Variants in QTMAN observed in about 807,000 individuals in gnomAD.
QTMAN encodes queuosine-tRNA mannosyltransferase.
At chr2:144,225,512 AT>A in the QTMAN span, among the ~76,000 whole-genome samples, 1 of 152,154 alleles carries the variant, frequency 6.6e-6, no homozygotes, top group African/African-American at 2.4e-5. Flanking sequence ...TCCAAGCTCC[AT>A]TCTAGCCTCA....
the QTMAN span, among the ~76,000 whole-genome samples, chr2:143,961,651 G>C: frequency 6.6e-6 from 1 of 152,098 alleles, no homozygotes; most frequent in Non-Finnish European, 1.5e-5. Flanking sequence ...TGTTTTGGGA[G>C]CTGTATTCCA....
chr2:144,227,905 C>G, the QTMAN span, among the ~76,000 whole-genome samples: 1 of 152,140 alleles, frequency 6.6e-6, no homozygotes, highest in Non-Finnish European at 1.5e-5. Flanking sequence ...CATTTGTTAC[C>G]TCATTCTAGA....
chr2:144,206,556 A>G, the QTMAN span, among the ~76,000 whole-genome samples: 2 of 152,204 alleles, frequency 1.3e-5, no homozygotes, highest in African/African-American at 4.8e-5. Context: ...TTAAAGACTG[A>G]TTAGATTAGT....
the QTMAN span, among the ~76,000 whole-genome samples, chr2:144,000,264 T>C: frequency 6.6e-6 from 1 of 152,062 alleles, no homozygotes; most frequent in Non-Finnish European, 1.5e-5. Context: ...GCCAGATATT[T>C]GATTATAATT....
At chr2:144,325,884 T>C in the QTMAN span, among the ~76,000 whole-genome samples, 1 of 152,350 alleles carries the variant, frequency 6.6e-6, no homozygotes, top group South Asian at 2.1e-4. Flanking sequence ...CATTACTTGT[T>C]ACAGACATGG....
chr2:144,297,721 C>A, the QTMAN span, among the ~76,000 whole-genome samples: 3 of 151,430 alleles, frequency 2.0e-5, no homozygotes, highest in African/African-American at 7.3e-5. Context: ...GCTGGGACTA[C>A]AGGTGCGTGC....
chr2:144,242,129 C>G, the QTMAN span, among the ~76,000 whole-genome samples: 1 of 151,990 alleles, frequency 6.6e-6, no homozygotes, highest in Admixed American at 6.5e-5. Context: ...GAAAATAAAG[C>G]TAAAGTAGTT....
chr2:143,980,849 A>C, the QTMAN span, among the ~76,000 whole-genome samples: 1 of 152,206 alleles, frequency 6.6e-6, no homozygotes, highest in East Asian at 1.9e-4. Context: ...ATATCTCTTA[A>C]CTCTACACTA....
At chr2:144,099,564 A>G in the QTMAN span, among the ~76,000 whole-genome samples, 11 of 152,198 alleles carry the variant, frequency 7.2e-5, no homozygotes, top group African/African-American at 2.7e-4. Context: ...ACACCTGAAT[A>G]AACTTGGCAG....
At chr2:144,068,573 G>C in the QTMAN span, among the ~76,000 whole-genome samples, 2 of 152,118 alleles carry the variant, frequency 1.3e-5, no homozygotes, top group Non-Finnish European at 2.9e-5. Context: ...ATGCAAATGT[G>C]GTAAATCAAG....
At chr2:144,020,345 T>A in the QTMAN span, among the ~76,000 whole-genome samples, 6 of 152,100 alleles carry the variant, frequency 3.9e-5, no homozygotes, top group African/African-American at 7.2e-5. Context: ...CACAGGCGGC[T>A]GAATATTGAA....
chr2:144,208,916 G>T, the QTMAN span: 2 of 588,666 alleles, frequency 3.4e-6, no homozygotes, highest in Non-Finnish European at 5.6e-6. Context: ...TTAGCAATGT[G>T]TTATTTTTCA....
the QTMAN span, among the ~76,000 whole-genome samples, chr2:144,322,642 A>G: frequency 6.6e-6 from 1 of 152,200 alleles, no homozygotes; most frequent in Non-Finnish European, 1.5e-5. Context: ...AAACGGAAGC[A>G]CATGTATTAA....
the QTMAN span, among the ~76,000 whole-genome samples, chr2:144,144,201 T>C: frequency 6.6e-6 from 1 of 151,922 alleles, no homozygotes; most frequent in Non-Finnish European, 1.5e-5. Flanking sequence ...CTGAATTGTT[T>C]TTAGATAGCT....
chr2:143,947,041 A>T, the QTMAN span: 1 of 1,589,234 alleles, frequency 6.3e-7, no homozygotes, highest in East Asian at 2.2e-5. Flanking sequence ...TTTGTGACTT[A>T]GCCCCATCTG....
chr2:144,291,000 G>A, the QTMAN span, among the ~76,000 whole-genome samples: 1 of 152,134 alleles, frequency 6.6e-6, no homozygotes, highest in Non-Finnish European at 1.5e-5. Context: ...TCCTTAGAAG[G>A]GCTGTGAGGG....
the QTMAN span, among the ~76,000 whole-genome samples, chr2:144,063,042 T>C: frequency 6.6e-6 from 1 of 152,192 alleles, no homozygotes; most frequent in African/African-American, 2.4e-5. Flanking sequence ...TAGAGTCATT[T>C]TGAGATATTT....
chr2:144,057,766 T>C, the QTMAN span, among the ~76,000 whole-genome samples: 2 of 152,200 alleles, frequency 1.3e-5, no homozygotes, highest in East Asian at 3.9e-4. Context: ...CAAGAAATAA[T>C]GTGAAGAAAC....
At chr2:144,174,420 GA>G in the QTMAN span, among the ~76,000 whole-genome samples, 1 of 152,098 alleles carries the variant, frequency 6.6e-6, no homozygotes, top group Non-Finnish European at 1.5e-5. Context: ...CCAGTGTCTC[GA>G]AAATCATATT....
Sources: gnomAD v4.1 joint callset for allele counts (sites outside exome capture counted in the v4.1 genomes callset) on GRCh38, gnomAD v4.1.1 for gene constraint, MANE v1.5 for transcripts, NCBI Gene and HGNC (gene_info 2026-07-23, HGNC 2026-07-21) for gene names.